HOMER1: variants seen among roughly 807,000 people sequenced by gnomAD.
HOMER1 encodes the protein homer protein homolog 1.
A neutral mutation model predicts 48.9 loss-of-function variants in HOMER1; 3 were observed. That is an observed-to-expected ratio of 0.06 (90% CI 0.03 to 0.16). The LOEUF (loss-of-function observed/expected upper bound fraction) is 0.16, where lower values mean the gene tolerates loss of function less well. HOMER1 is among the 10% of genes least tolerant of loss of function. The probability of loss-of-function intolerance (pLI) is 1.00; values close to 1 mark genes in which losing one functional copy is unlikely to be tolerated. For missense variants in HOMER1, 247 were observed against 411.4 expected (o/e 0.60, Z 3.46); for synonymous variants, 134 against 146.4 (o/e 0.92, Z 0.61).
At chr5:79,432,787 T>C (rs1284366685) in intron 5 of HOMER1, among the ~76,000 whole-genome samples, 2 of 152,180 alleles carry the variant, frequency 1.3e-5, no homozygotes, top group East Asian at 1.9e-4. Flanking sequence ...CAGAACAATG[T>C]ACATGACCAA....
At chr5:79,509,830 A>ATTGCAAG (rs1185529563) in intron 1 of HOMER1, among the ~76,000 whole-genome samples, 1 of 152,238 alleles carries the variant, frequency 6.6e-6, no homozygotes, top group Non-Finnish European at 1.5e-5. Context: ...TGCAATAATT[A>ATTGCAAG]TCTACAATTA....
At chr5:79,479,979 A>G (rs1469218945) in intron 1 of HOMER1, among the ~76,000 whole-genome samples, 1 of 152,240 alleles carries the variant, frequency 6.6e-6, no homozygotes, top group Non-Finnish European at 1.5e-5. Context: ...ATTAAAGCTC[A>G]AGAATAACAA....
At chr5:79,510,516 G>C in intron 1 of HOMER1, 1 of 728,390 alleles carries the variant, frequency 1.4e-6, no homozygotes, top group Non-Finnish European at 2.5e-6. Context: ...GAAGCACAAA[G>C]ATACGAATCT....
chr5:79,497,059 C>CA (rs5868996), intron 1 of HOMER1, among the ~76,000 whole-genome samples: 16,661 of 51,976 alleles, frequency 0.32, 2,266 homozygotes, highest in South Asian at 0.44. Flanking sequence ...GACTTTGTCT[C>CA]AAAAAAAAAA....
chr5:79,447,171 T>A, intron 3 of HOMER1, 26 bp from the exon 4 acceptor site: 1 of 1,437,132 alleles, frequency 7.0e-7, no homozygotes, highest in Non-Finnish European at 9.8e-7. Flanking sequence ...CTACATACAT[T>A]AACCAAATAA....
intron 5 of HOMER1, among the ~76,000 whole-genome samples, chr5:79,432,186 G>GA (rs1401154074): frequency 1.3e-5 from 2 of 152,032 alleles, no homozygotes; most frequent in East Asian, 1.9e-4. Context: ...AAATCCAAAG[G>GA]AAAAAAACAT....
intron 1 of HOMER1, among the ~76,000 whole-genome samples, chr5:79,471,687 G>T (rs1175766759): frequency 6.6e-6 from 1 of 152,080 alleles, no homozygotes; most frequent in Non-Finnish European, 1.5e-5. Context: ...GTTTTCAAGA[G>T]CCTCTAAGGT....
chr5:79,426,649 T>TGG (rs933673494), intron 5 of HOMER1, among the ~76,000 whole-genome samples: 1 of 151,888 alleles, frequency 6.6e-6, no homozygotes, highest in Non-Finnish European at 1.5e-5. Flanking sequence ...GGAAGGGTAG[T>TGG]GGGGAGTGGG....
chr5:79,456,145 C>CAA (rs66567622), intron 2 of HOMER1, among the ~76,000 whole-genome samples: 3,193 of 112,416 alleles, frequency 0.028, 75 homozygotes, highest in Middle Eastern at 0.067. Flanking sequence ...GACTCCGTCT[C>CAA]AAAAAAAAAA....
chr5:79,406,899 A>G (rs1316730537), intron 5 of HOMER1, among the ~76,000 whole-genome samples: 1 of 148,560 alleles, frequency 6.7e-6, no homozygotes, highest in Non-Finnish European at 1.5e-5. Flanking sequence ...AGATCCTGGG[A>G]CAAAGGGTCT....
At chr5:79,429,550 C>T (rs974888675) in intron 5 of HOMER1, among the ~76,000 whole-genome samples, 10 of 152,106 alleles carry the variant, frequency 6.6e-5, no homozygotes, top group African/African-American at 2.4e-4. Context: ...TAGATGTGGA[C>T]CTCTATCTCA....
intron 1 of HOMER1, among the ~76,000 whole-genome samples, chr5:79,499,976 G>A (rs1371906314): frequency 2.0e-5 from 3 of 152,100 alleles, no homozygotes; most frequent in Non-Finnish European, 4.4e-5. Flanking sequence ...TAGTGATGCT[G>A]GAAGTGCTCC....
At chr5:79,407,248 A>C (rs1190074300) in intron 5 of HOMER1, among the ~76,000 whole-genome samples, 1 of 152,170 alleles carries the variant, frequency 6.6e-6, no homozygotes, top group Non-Finnish European at 1.5e-5. Flanking sequence ...AATAGTGTTC[A>C]TCATTACTGT....
chr5:79,404,865 T>TA (rs1749624522), intron 5 of HOMER1, among the ~76,000 whole-genome samples: 1 of 51,210 alleles, frequency 2.0e-5, no homozygotes, highest in Admixed American at 2.6e-4. Flanking sequence ...CGCCCAGCTA[T>TA]TTTTTTTTTT....
At chr5:79,393,984 A>G (rs1561346499) in intron 8 of HOMER1, among the ~76,000 whole-genome samples, 1 of 152,112 alleles carries the variant, frequency 6.6e-6, no homozygotes, top group African/African-American at 2.4e-5. Context: ...CAGGATTATG[A>G]TTTTTTTAAT....
chr5:79,469,288 T>C (rs780859101), intron 1 of HOMER1, among the ~76,000 whole-genome samples: 3 of 152,200 alleles, frequency 2.0e-5, no homozygotes, highest in Non-Finnish European at 4.4e-5. Context: ...ACAAAACATA[T>C]TTAATGTTAA....
chr5:79,473,494 T>C (rs1006880221), intron 1 of HOMER1, among the ~76,000 whole-genome samples: 1 of 152,208 alleles, frequency 6.6e-6, no homozygotes, highest in Non-Finnish European at 1.5e-5. Flanking sequence ...ATTATATTAA[T>C]ATTAGAACTC....
At chr5:79,396,227 C>T (rs965628867) in intron 8 of HOMER1, among the ~76,000 whole-genome samples, 9 of 151,754 alleles carry the variant, frequency 5.9e-5, no homozygotes, top group Non-Finnish European at 1.0e-4. Flanking sequence ...CACTGAAGAA[C>T]GAAAAGTACT....
At chr5:79,447,296 C>G in intron 3 of HOMER1, 151 bp from the exon 4 acceptor site, 1 of 597,508 alleles carries the variant, frequency 1.7e-6, no homozygotes, top group Non-Finnish European at 3.0e-6. Flanking sequence ...ATGAAAATGA[C>G]AGGAAATGAA....
Sources: gnomAD v4.1 joint callset for allele counts (sites outside exome capture counted in the v4.1 genomes callset) on GRCh38, gnomAD v4.1.1 for gene constraint, MANE v1.5 for transcripts, NCBI Gene and HGNC (gene_info 2026-07-23, HGNC 2026-07-21) for gene names.